The following CEP295 variants were observed in gnomAD, a reference collection of about 807,000 sequenced individuals.
CEP295 encodes centrosomal protein of 295 kDa.
CEP295 carries 190 observed loss-of-function variants against 291.6 expected under a neutral mutation model. The ratio of observed to expected loss-of-function variants is 0.65; its 90% confidence interval spans 0.58 to 0.73. The LOEUF is 0.73. CEP295 is among the 30% of genes least tolerant of loss of function. The pLI, the probability that CEP295 is intolerant of heterozygous loss-of-function variation, is 0.00. For missense variants in CEP295, 2,863 were observed against 2,949.4 expected, an observed-to-expected ratio of 0.97 and a Z score of 0.68; for synonymous variants, 993 against 1,038.8, an observed-to-expected ratio of 0.96 and a Z score of 0.85.
intron 14 of CEP295, 105 bp from the exon 15 acceptor site, chr11:93,696,577 G>A (rs1404094469): frequency 1.8e-6 from 2 of 1,138,566 alleles, no homozygotes; most frequent in Non-Finnish European, 2.4e-6. Context: ...TTTTCACCAT[G>A]AGTATTGCCA....
intron 7 of CEP295, among the ~76,000 whole-genome samples, chr11:93,682,066 T>C (rs1214232186): frequency 3.3e-5 from 5 of 152,108 alleles, no homozygotes; most frequent in Non-Finnish European, 7.3e-5. Flanking sequence ...CTCAAACAAC[T>C]TTAGATAATT....
At chr11:93,702,747 T>G (rs1323112826) in intron 16 of CEP295, 29 bp from the exon 17 acceptor site, 10 of 1,549,108 alleles carry the variant, frequency 6.5e-6, no homozygotes, top group Admixed American at 5.9e-5. Context: ...GATTTTGTAT[T>G]GTATCCAACT....
At position 93,669,786 on chromosome 11, in the gene CEP295, A is replaced by G. The variant is rs1950348064; in HGVS notation, c.528+16A>G. 1 of 1,474,882 alleles carries G rather than the reference A, an allele frequency of 6.8e-7. No homozygotes were observed. The highest frequency in any genetic ancestry group is 1.4e-5 in the African/African-American group (1 of 71,438). The allele number at this position is 1,474,882 out of a possible 1,614,324, so 91.4% of individuals were successfully genotyped here. ...TCTTTTTGAGGTGAGTTTGAGTATT[A>G]AGAGGAACTAGGTCATAATTCTTCT... On this transcript the variant is annotated intron_variant, in intron 5 of 29. Transcript: ENST00000325212.
At chr11:93,664,021 G>T (rs536006100) in intron 1 of CEP295, among the ~76,000 whole-genome samples, 4 of 152,164 alleles carry the variant, frequency 2.6e-5, no homozygotes, top group Non-Finnish European at 5.9e-5. Flanking sequence ...ACCTCTCATG[G>T]ATTAGTTCTG....
Position 93,699,639 on chromosome 11 carries a change from C to T in CEP295, c.4727C>T (p.Pro1576Leu). The T allele has an allele frequency of 6.4e-7, 1 of 1,551,636 alleles. No homozygotes were observed. Among genetic ancestry groups the T allele is most frequent in the Non-Finnish European group, 8.7e-7 (1 of 1,147,046 alleles). ...SFPTKSNDTL[P>L]SSHREIPRLQ... is the part of the protein sequence containing the mutation. ...CCAACCAAAAGTAATGATACTCTTCCCTCAAGTCATCGTGAGATTCCAAGA... is the reference window on the plus strand; with the variant it reads ...CCAACCAAAAGTAATGATACTCTTCTCTCAAGTCATCGTGAGATTCCAAGA... Residue 1576 changes from proline (P) to leucine (L), a missense_variant, in exon 15 of 30, where the codon CCC (proline) becomes CTC (leucine). Physicochemically the swap from Pro to Leu is moderately conservative, Grantham distance 98. This residue lies in a region of CEP295 where 2,295 missense variants were observed against 2,335.7 expected (regional missense o/e 0.98). Transcript: ENST00000325212.
At chr11:93,705,722 C>T (rs954283868) in intron 17 of CEP295, among the ~76,000 whole-genome samples, 1 of 152,036 alleles carries the variant, frequency 6.6e-6, no homozygotes, top group African/African-American at 2.4e-5. Context: ...ACTTTAGAAC[C>T]TTTCCTCTAA....
At chr11:93,680,201 C>G (rs190640154) in intron 7 of CEP295, among the ~76,000 whole-genome samples, 1 of 152,048 alleles carries the variant, frequency 6.6e-6, no homozygotes, top group African/African-American at 2.4e-5. Flanking sequence ...CACCTGAGCC[C>G]GGGACAAGGA....
At chr11:93,678,015 C>A (rs1387310476) in intron 6 of CEP295, among the ~76,000 whole-genome samples, 1 of 152,022 alleles carries the variant, frequency 6.6e-6, no homozygotes, top group Non-Finnish European at 1.5e-5. Context: ...TGTTTGTGGT[C>A]CCTAACTTTT....
intron 5 of CEP295, among the ~76,000 whole-genome samples, chr11:93,671,259 TAATC>T (rs893226177): frequency 6.6e-6 from 1 of 152,212 alleles, no homozygotes; most frequent in Non-Finnish European, 1.5e-5. Context: ...GTTGGGGTAA[TAATC>T]AATGCCATTG....
At position 93,722,035 on chromosome 11, in the gene CEP295, A is replaced by C; in HGVS notation, c.5932A>C (p.Ser1978Arg). 6.4e-7 allele frequency: 1 copy of C among 1,550,776 alleles called. No individual in the cohort carries two copies. Among genetic ancestry groups the C allele is most frequent in the African/African-American group, 1.4e-5 (1 of 73,198 alleles). The change falls in exon 20 of 30, where the codon AGC (serine) becomes CGC (arginine). Residue 1978 changes from serine (S) to arginine (R), a missense_variant. Physicochemically the swap from Ser to Arg is moderately radical, Grantham distance 110. Transcript: ENST00000325212. ...SLLSYENTDL[S>R]LTDPESFSEH... ...TTTAAGTTATGAAAACACAGATTTGAGCCTTACAGATCCAGGTAATAAGGT... is the reference window on the plus strand; with the variant it reads ...TTTAAGTTATGAAAACACAGATTTGCGCCTTACAGATCCAGGTAATAAGGT...
At chr11:93,662,585 GAATA>G (rs922648710) in intron 1 of CEP295, among the ~76,000 whole-genome samples, 67 of 152,150 alleles carry the variant, frequency 4.4e-4, no homozygotes, top group African/African-American at 1.5e-3. Context: ...ATATTACTAA[GAATA>G]AATAATTAAT....
Position 93,725,743 on chromosome 11 carries a change from T to G in CEP295, c.6411T>G (p.Ser2137=), listed in dbSNP as rs367616939. 130 of 1,551,870 alleles carry G rather than the reference T, an allele frequency of 8.4e-5. No homozygotes were observed. The African/African-American group carries it at 1.7e-3, about 20-fold the overall frequency. Residue 2137 remains serine, a synonymous_variant, in exon 23 of 30, where the codon TCT becomes TCG. Coordinates refer to ENST00000325212, the MANE Select transcript of CEP295 (RefSeq NM_033395.2). The stretch of plus-strand genomic sequence containing the variant: ...CACTGAGGAGGACCAGCATGCATTC[T>G]TCTCTTAACACAAGTCCGAATCAAC... ...FTALRRTSMH[S]SLNTSPNQQP...
chr11:93,703,831 C>T (rs1210838232), intron 17 of CEP295, among the ~76,000 whole-genome samples: 1 of 148,480 alleles, frequency 6.7e-6, no homozygotes, highest in African/African-American at 2.5e-5. Context: ...TGCAGTGGCG[C>T]AATCTCGGCT....
At chr11:93,668,296 A>T (rs2134788889) in intron 3 of CEP295, among the ~76,000 whole-genome samples, 1 of 152,300 alleles carries the variant, frequency 6.6e-6, no homozygotes, top group South Asian at 2.1e-4. Context: ...AAAGAAGGTA[A>T]ATCTTTGATA....
rs757211198 is a variant in CEP295, at chr11:93,724,380, A to G, written c.6318+5A>G. On this transcript the variant is annotated splice_donor_5th_base_variant and intron_variant, in intron 22 of 29. Coordinates refer to ENST00000325212, the MANE Select transcript of CEP295 (RefSeq NM_033395.2). The stretch of plus-strand genomic sequence containing the variant: ...GACAACAGAGACTTTTACCAGGTAT[A>G]TTAAAGTAGATGTCCCATTGCAGTG... 1.6e-4 allele frequency: 249 copies of G among 1,546,696 alleles called. No homozygotes were observed. Among genetic ancestry groups the G allele is most frequent in the Non-Finnish European group, 2.1e-4 (237 of 1,143,896 alleles).
chr11:93,670,881 T>C (rs997395881), intron 5 of CEP295, among the ~76,000 whole-genome samples: 6 of 131,036 alleles, frequency 4.6e-5, no homozygotes, highest in African/African-American at 1.5e-4. Flanking sequence ...GCATGAACTA[T>C]TTAGTTCTTT....
intron 19 of CEP295, 130 bp from the exon 20 acceptor site, chr11:93,721,824 G>A: frequency 2.7e-6 from 2 of 739,980 alleles, no homozygotes; most frequent in Non-Finnish European, 4.9e-6. Flanking sequence ...TTTTACTACT[G>A]ATCTTTGTAA....
chr11:93,675,689 A>G (rs1438333995), intron 6 of CEP295, 23 bp downstream of exon 6: 5 of 1,147,062 alleles, frequency 4.4e-6, no homozygotes, highest in Admixed American at 5.3e-5. Context: ...TTGTTTCTTC[A>G]TGCCCTCGCT....
intron 7 of CEP295, among the ~76,000 whole-genome samples, chr11:93,683,080 G>A (rs1045663215): frequency 5.3e-5 from 8 of 152,138 alleles, no homozygotes; most frequent in African/African-American, 1.4e-4. Context: ...AAATTCATAA[G>A]AGTGTGAGGT....
Sources: gnomAD v4.1 joint callset for allele counts (sites outside exome capture counted in the v4.1 genomes callset) on GRCh38, gnomAD v4.1.1 for gene constraint, gnomAD v4.1.1 regional missense constraint, MANE v1.5 for transcripts, NCBI Gene and HGNC (gene_info 2026-07-23, HGNC 2026-07-21) for gene names.